Variants in FOCAD observed in about 807,000 individuals in gnomAD.
FOCAD encodes KIAA1797.
A neutral mutation model predicts 225.6 loss-of-function variants in FOCAD; 198 were observed. That is an observed-to-expected ratio of 0.88 (90% CI 0.78 to 0.99). The LOEUF is 0.99. FOCAD is among the 50% of genes least tolerant of loss of function. The pLI, the probability that FOCAD is intolerant of heterozygous loss-of-function variation, is 0.00. For missense variants in FOCAD, 2,713 were observed against 2,123.6 expected (o/e 1.28, Z -5.46); for synonymous variants, 897 against 755.0 (o/e 1.19, Z -3.08).
chr9:20,743,695 T>A (rs1343298010), intron 5 of FOCAD, among the ~76,000 whole-genome samples: 1 of 152,168 alleles, frequency 6.6e-6, no homozygotes, highest in Non-Finnish European at 1.5e-5. Context: ...TTGCCAGAGA[T>A]TCTTATTCAT....
At chr9:20,704,433 A>T (rs955643296) in intron 1 of FOCAD, among the ~76,000 whole-genome samples, 10 of 152,222 alleles carry the variant, frequency 6.6e-5, no homozygotes, top group Non-Finnish European at 1.2e-4. Context: ...AATGAGCTTG[A>T]TTGGTCACTT....
intron 37 of FOCAD, among the ~76,000 whole-genome samples, chr9:20,980,436 T>A (rs1840591932): frequency 6.6e-6 from 1 of 152,214 alleles, no homozygotes; most frequent in Non-Finnish European, 1.5e-5. Flanking sequence ...CTTTCATTTA[T>A]CTTTTAGATC....
intron 15 of FOCAD, among the ~76,000 whole-genome samples, chr9:20,844,788 A>G (rs1240989550): frequency 6.6e-6 from 1 of 152,152 alleles, no homozygotes; most frequent in East Asian, 1.9e-4. Flanking sequence ...AATTAGTATT[A>G]TTAGTGAGAT....
chr9:20,659,099 A>G (rs538560373), intron 2 of FOCAD, among the ~76,000 whole-genome samples: 11 of 152,282 alleles, frequency 7.2e-5, no homozygotes, highest in African/African-American at 2.6e-4. Context: ...GTGCGCCTGT[A>G]GTCCCAGCTA....
intron 11 of FOCAD, among the ~76,000 whole-genome samples, chr9:20,797,841 C>T (rs1054941906): frequency 6.6e-6 from 1 of 152,170 alleles, no homozygotes; most frequent in African/African-American, 2.4e-5. Context: ...CCTTTATTTC[C>T]TTCTTCTGCC....
At chr9:20,676,828 C>G (rs1485730960) in intron 2 of FOCAD, among the ~76,000 whole-genome samples, 2 of 152,066 alleles carry the variant, frequency 1.3e-5, no homozygotes, top group Non-Finnish European at 2.9e-5. Context: ...ACATGATCTA[C>G]AGATTCAATA....
Position 20,981,541 on chromosome 9 carries a change from C to T in FOCAD, c.4493C>T (p.Ser1498Phe). The change falls in exon 38 of 44, where the codon TCC becomes TTC. Residue 1498 changes from serine (S) to phenylalanine (F), a missense_variant. Ser to Phe is a radical substitution (Grantham distance 155). Coordinates refer to ENST00000338382, the MANE Select transcript of FOCAD (RefSeq NM_001375567.1). ...NLMVAVFKAA[S>F]PLGSPELCPS... is the part of the protein sequence containing the mutation. ...ATGGTGGCAGTTTTTAAAGCAGCTT[C>T]CCCACTTGGAAGTCCTGAGCTATGC... 1 of 1,614,052 alleles carries T rather than the reference C, an allele frequency of 6.2e-7. No individual in the cohort carries two copies. The highest frequency in any genetic ancestry group is 8.5e-7 in the Non-Finnish European group (1 of 1,179,996).
chr9:20,822,996 C>G lies in FOCAD; in HGVS notation c.1801C>G (p.Gln601Glu). 6.3e-7 allele frequency: 1 copy of G among 1,592,366 alleles called. No individual in the cohort carries two copies. The highest frequency in any genetic ancestry group is 1.7e-4 in the Middle Eastern group (1 of 5,990). The change falls in exon 15 of 44, where the codon CAA (glutamine) becomes GAA (glutamate). Residue 601 changes from glutamine to glutamate, a missense_variant. By Grantham distance (29) the Gln-to-Glu change is conservative (BLOSUM62 2). Transcript: ENST00000338382. ...AACTTTCATTTCTTGTAGGCCATAT[C>G]AACATGGTGCAGATATGTTGGCAGC... ...IRDICKQRPY[Q>E]HGADMLAAIS... is the part of the protein sequence containing the mutation.
chr9:20,881,659 G>T (rs1830675164), intron 19 of FOCAD, among the ~76,000 whole-genome samples: 1 of 152,046 alleles, frequency 6.6e-6, no homozygotes, highest in South Asian at 2.1e-4. Context: ...TAATAAGTGA[G>T]GGAAAGAGAG....
At chr9:20,820,791 T>C in intron 13 of FOCAD, 150 bp from the exon 14 acceptor site, 1 of 852,938 alleles carries the variant, frequency 1.2e-6, no homozygotes, top group South Asian at 1.7e-5. Context: ...CAGTAATCAC[T>C]ATAGCAATCT....
rs561233241 is a variant in FOCAD, at chr9:20,874,681, A to G, written c.2191A>G (p.Ile731Val). The change falls in exon 19 of 44, where the codon ATA becomes GTA. Residue 731 changes from isoleucine (I) to valine (V), a missense_variant and splice_region_variant. Ile to Val is a conservative substitution (Grantham distance 29). Coordinates refer to ENST00000338382, the MANE Select transcript of FOCAD (RefSeq NM_001375567.1). ...EHTILHLPEK[I>V]RPEIPIPEEL... is the part of the protein sequence containing the mutation. ...ATGATCTTTTCGCTTATCATTTCAG[A>G]TAAGACCAGAAATTCCCATTCCTGA... is the stretch of plus-strand genomic sequence containing the variant. 46 of 1,613,154 alleles carry G rather than the reference A, an allele frequency of 2.9e-5. No individual in the cohort carries two copies. Among genetic ancestry groups the G allele is most frequent in the South Asian group, 2.4e-4 (22 of 90,980 alleles).
At chr9:20,785,460 G>A (rs1054329487) in intron 10 of FOCAD, among the ~76,000 whole-genome samples, 1 of 151,976 alleles carries the variant, frequency 6.6e-6, no homozygotes, top group African/African-American at 2.4e-5. Flanking sequence ...GTCTCTATAT[G>A]GATTTGCCTA....
At chr9:20,886,822 C>T (rs1349657086) in intron 21 of FOCAD, among the ~76,000 whole-genome samples, 1 of 152,058 alleles carries the variant, frequency 6.6e-6, no homozygotes, top group East Asian at 1.9e-4. Context: ...AACTATGTGA[C>T]AAGAAATAAT....
intron 15 of FOCAD, among the ~76,000 whole-genome samples, chr9:20,861,182 C>T (rs1481023921): frequency 1.3e-5 from 2 of 152,132 alleles, no homozygotes; most frequent in Admixed American, 1.3e-4. Flanking sequence ...ATATCATATA[C>T]CTTTTTGTTT....
chr9:20,924,453 A>G (rs752819446), intron 25 of FOCAD, among the ~76,000 whole-genome samples: 13 of 152,182 alleles, frequency 8.5e-5, no homozygotes, highest in African/African-American at 1.4e-4. Flanking sequence ...TTCAGAACCT[A>G]TTTCTCCATC....
intron 1 of FOCAD, among the ~76,000 whole-genome samples, chr9:20,706,149 G>A (rs1824370751): frequency 2.0e-5 from 3 of 151,766 alleles, no homozygotes; most frequent in Non-Finnish European, 4.4e-5. Flanking sequence ...TGCCCAGGCT[G>A]GTCTCAAACT....
intron 21 of FOCAD, among the ~76,000 whole-genome samples, chr9:20,903,355 C>T (rs188999873): frequency 3.3e-5 from 5 of 152,066 alleles, no homozygotes; most frequent in Admixed American, 2.6e-4. Context: ...TGATAAAGCT[C>T]TGTCTGAGCT....
At chr9:20,992,660 C>G (rs1174636894) in intron 42 of FOCAD, among the ~76,000 whole-genome samples, 1 of 152,136 alleles carries the variant, frequency 6.6e-6, no homozygotes, top group Admixed American at 6.5e-5. Flanking sequence ...CTACCTCCCT[C>G]TTAAAACCTG....
chr9:20,969,877 G>A (rs1003464190), intron 35 of FOCAD, among the ~76,000 whole-genome samples: 6 of 151,586 alleles, frequency 4.0e-5, no homozygotes, highest in South Asian at 2.1e-4. Context: ...AACATTTCTC[G>A]TAGGGCATGT....
Sources: gnomAD v4.1 joint callset for allele counts (sites outside exome capture counted in the v4.1 genomes callset) on GRCh38, gnomAD v4.1.1 for gene constraint, MANE v1.5 for transcripts, NCBI Gene and HGNC (gene_info 2026-07-23, HGNC 2026-07-21) for gene names.